Variants in TRPM3 observed in about 807,000 individuals in gnomAD.
TRPM3 encodes long transient receptor potential channel 3.
In TRPM3, 77 loss-of-function variants were observed where a neutral mutation model predicts 181.2. That is an observed-to-expected ratio of 0.42 (90% CI 0.35 to 0.51). The LOEUF (loss-of-function observed/expected upper bound fraction) is 0.51. Ranked by LOEUF, TRPM3 falls within the 20% of genes least tolerant of loss-of-function variation. The pLI is 0.01. For missense variants in TRPM3, 1,759 were observed against 2,196.7 expected (o/e 0.80, Z 3.98); for synonymous variants, 745 against 796.4 (o/e 0.94, Z 1.09).
chr9:70,928,832 G>C (rs1454760592), intron 1 of TRPM3, among the ~76,000 whole-genome samples: 1 of 152,202 alleles, frequency 6.6e-6, no homozygotes, highest in East Asian at 1.9e-4. Context: ...GCTCTTGGTT[G>C]TCTAGAAGGT....
At chr9:71,329,184 T>C (rs1565467287) in intron 1 of TRPM3, among the ~76,000 whole-genome samples, 2 of 152,234 alleles carry the variant, frequency 1.3e-5, no homozygotes, top group African/African-American at 4.8e-5. Context: ...GTAGCAACAA[T>C]CCCAGAATAG....
chr9:71,145,442 A>T (rs1301790565), intron 1 of TRPM3, among the ~76,000 whole-genome samples: 1 of 152,182 alleles, frequency 6.6e-6, no homozygotes, highest in African/African-American at 2.4e-5. Flanking sequence ...CTCTGAGAGA[A>T]TGCAGAAAAT....
chr9:71,021,793 A>T (rs1306598047), intron 1 of TRPM3, among the ~76,000 whole-genome samples: 1 of 152,230 alleles, frequency 6.6e-6, no homozygotes, highest in Non-Finnish European at 1.5e-5. Flanking sequence ...TGGAAATCAC[A>T]GTTTAACCAG....
chr9:71,000,110 T>A (rs1303283415), intron 1 of TRPM3, among the ~76,000 whole-genome samples: 1 of 152,144 alleles, frequency 6.6e-6, no homozygotes, highest in African/African-American at 2.4e-5. Context: ...GGGAAACCCC[T>A]CTAGGACAAA....
At chr9:70,991,704 T>C (rs980619501) in intron 1 of TRPM3, among the ~76,000 whole-genome samples, 1 of 152,124 alleles carries the variant, frequency 6.6e-6, no homozygotes, top group African/African-American at 2.4e-5. Flanking sequence ...AACTTAAATT[T>C]CTTCAGTTGC....
In TRPM3 at chr9:71,059,011, A is replaced by ATTTTTTTTTTTTTTTTTT. The variant is rs1162577364; in HGVS notation, c.177+62149_177+62166dup. Among the ~76,000 whole-genome samples, 27 of 52,640 alleles carry ATTTTTTTTTTTTTTTTTT rather than the reference A, an allele frequency of 5.1e-4. 5 individuals are homozygous for ATTTTTTTTTTTTTTTTTT. Among genetic ancestry groups the ATTTTTTTTTTTTTTTTTT allele is most frequent in the South Asian group, 2.6e-3 (2 of 762 alleles). The allele number at this position is 52,640 out of a possible 152,430, so 34.5% of individuals were successfully genotyped here. A position where few individuals can be genotyped will look rare whatever the true frequency, so the allele number is the denominator to read the frequency against. ...ATTTCTCTGAAGTTTTTGTTTGTTC[A>ATTTTTTTTTTTTTTTTTT]TTTTTTTTTTTTTTTTTTTTTTTTT... On this transcript the variant is annotated intron_variant, in intron 1 of 25. Transcript: ENST00000677713.
chr9:70,771,439 C>T (rs576290427), intron 7 of TRPM3, among the ~76,000 whole-genome samples: 22 of 152,078 alleles, frequency 1.4e-4, no homozygotes, highest in African/African-American at 4.8e-4. Context: ...TTCCTTCTTT[C>T]TTTCCTTCCT....
At chr9:70,739,076 C>T (rs1165669296) in intron 8 of TRPM3, among the ~76,000 whole-genome samples, 1 of 152,062 alleles carries the variant, frequency 6.6e-6, no homozygotes, top group Non-Finnish European at 1.5e-5. Context: ...GGTACCAATC[C>T]TATTGATATT....
intron 22 of TRPM3, among the ~76,000 whole-genome samples, chr9:70,584,055 T>G (rs1173256484): frequency 2.0e-5 from 3 of 152,152 alleles, no homozygotes; most frequent in Non-Finnish European, 4.4e-5. Flanking sequence ...GTACCTTTTT[T>G]TTGAGACAGG....
chr9:71,093,172 T>C (rs747137741), intron 1 of TRPM3, among the ~76,000 whole-genome samples: 30 of 152,220 alleles, frequency 2.0e-4, no homozygotes, highest in Non-Finnish European at 3.5e-4. Context: ...GACATAGGCA[T>C]GGGGAAAGAC....
At chr9:70,679,443 G>A (rs1427666339) in intron 9 of TRPM3, among the ~76,000 whole-genome samples, 2 of 152,194 alleles carry the variant, frequency 1.3e-5, no homozygotes, top group Non-Finnish European at 2.9e-5. Context: ...AGTATTTTCA[G>A]TAGAAGATAT....
At chr9:70,999,343 T>TA (rs2097575506) in intron 1 of TRPM3, among the ~76,000 whole-genome samples, 1 of 151,850 alleles carries the variant, frequency 6.6e-6, no homozygotes, top group Non-Finnish European at 1.5e-5. Context: ...CTTCAGGTAG[T>TA]AACTCAGGCC....
intron 9 of TRPM3, among the ~76,000 whole-genome samples, chr9:70,657,991 C>A (rs1489942475): frequency 6.6e-6 from 1 of 152,118 alleles, no homozygotes; most frequent in Admixed American, 6.6e-5. Context: ...GCAAGACCAG[C>A]CTATGGGCCC....
intron 3 of TRPM3, among the ~76,000 whole-genome samples, chr9:70,854,890 C>T (rs918372753): frequency 2.0e-5 from 3 of 152,134 alleles, no homozygotes; most frequent in African/African-American, 7.2e-5. Flanking sequence ...CCTTGGAGGC[C>T]AGTACATCAG....
intron 1 of TRPM3, among the ~76,000 whole-genome samples, chr9:71,404,148 T>A (rs992465357): frequency 6.6e-6 from 1 of 152,136 alleles, no homozygotes; most frequent in Non-Finnish European, 1.5e-5. Context: ...AATACATACA[T>A]CCCAAGGTGA....
rs1045391601 is a variant in TRPM3 at position 71,390,238 on chromosome 9, A to G, written c.183+56415T>C. On this transcript the variant is annotated intron_variant, in intron 1 of 24. Coordinates refer to the TRPM3 transcript ENST00000357533. Reference sequence around the variant, plus strand: ...AGCAGGAGGCAAAATTATTAGGAGTATATTTAAGAAAGAAGAGAAGTGGGT... The same window carrying G: ...AGCAGGAGGCAAAATTATTAGGAGTGTATTTAAGAAAGAAGAGAAGTGGGT... Among the ~76,000 whole-genome samples, 6 of 152,070 alleles carry G rather than the reference A, an allele frequency of 3.9e-5. 1 individual carries two copies. Among genetic ancestry groups the G allele is most frequent in the Admixed American group, 3.3e-4 (5 of 15,236 alleles).
chr9:70,891,135 C>T (rs569556193), intron 1 of TRPM3, among the ~76,000 whole-genome samples: 3 of 152,060 alleles, frequency 2.0e-5, no homozygotes, highest in African/African-American at 4.8e-5. Flanking sequence ...CAAACCTGCA[C>T]GTTGTGCACA....
intron 1 of TRPM3, among the ~76,000 whole-genome samples, chr9:71,172,371 T>A (rs1156409032): frequency 1.3e-5 from 2 of 152,130 alleles, no homozygotes; most frequent in East Asian, 3.9e-4. Context: ...TTTATCATTG[T>A]CATGTTCAAG....
At chr9:70,971,724 G>A (rs1215027939) in intron 1 of TRPM3, among the ~76,000 whole-genome samples, 1 of 152,150 alleles carries the variant, frequency 6.6e-6, no homozygotes, top group Non-Finnish European at 1.5e-5. Context: ...GAACATATAG[G>A]ACTGAGAAGA....
Sources: gnomAD v4.1 joint callset for allele counts (sites outside exome capture counted in the v4.1 genomes callset) on GRCh38, gnomAD v4.1.1 for gene constraint, MANE v1.5 for transcripts, NCBI Gene and HGNC (gene_info 2026-07-23, HGNC 2026-07-21) for gene names.